Variants in FRYL observed in about 807,000 individuals in gnomAD.
FRYL encodes FRY like transcription coactivator.
FRYL carries 150 observed loss-of-function variants against 351.2 expected under a neutral mutation model. That is an observed-to-expected ratio of 0.43 (90% CI 0.37 to 0.49). The LOEUF is 0.49. FRYL is among the 20% of genes least tolerant of loss of function. The pLI is 0.00. For missense variants in FRYL, 3,036 were observed against 3,619.3 expected, an observed-to-expected ratio of 0.84 and a Z score of 4.13; for synonymous variants, 1,153 against 1,257.1, an observed-to-expected ratio of 0.92 and a Z score of 1.75.
At chr4:48,760,944 C>T (rs1381962046) in intron 1 of FRYL, among the ~76,000 whole-genome samples, 1 of 151,528 alleles carries the variant, frequency 6.6e-6, no homozygotes, top group Non-Finnish European at 1.5e-5. Context: ...TCCCAAAGTG[C>T]TGCGATTACA....
chr4:48,544,912 C>T lies in FRYL; in HGVS notation c.5280-8G>A. On this transcript the variant is annotated splice_region_variant and splice_polypyrimidine_tract_variant and intron_variant, in intron 42 of 63. Transcript: ENST00000358350. Reference sequence around the variant, plus strand: ...CAAAGGGGCCCTCTTTTTCTGAAAACAGAGAACAGATGTAATTTCCTTGGA... The same window carrying T: ...CAAAGGGGCCCTCTTTTTCTGAAAATAGAGAACAGATGTAATTTCCTTGGA... 1 of 1,591,706 alleles carries T rather than the reference C, an allele frequency of 6.3e-7. No individual in the cohort carries two copies.
intron 61 of FRYL, 150 bp downstream of exon 61, chr4:48,502,678 A>G (rs1719973507): frequency 2.2e-6 from 1 of 463,892 alleles, no homozygotes; most frequent in African/African-American, 2.0e-5. Flanking sequence ...CCAACATTTC[A>G]TGGATTAGGG....
At chr4:48,708,319 T>C (rs1258712321) in intron 2 of FRYL, among the ~76,000 whole-genome samples, 1 of 150,844 alleles carries the variant, frequency 6.6e-6, no homozygotes, top group African/African-American at 2.4e-5. Context: ...AAAATAAAAT[T>C]AGCCAGGCAT....
At chr4:48,738,541 C>T (rs546938688) in intron 1 of FRYL, among the ~76,000 whole-genome samples, 58 of 152,160 alleles carry the variant, frequency 3.8e-4, no homozygotes, top group Middle Eastern at 3.4e-3. Flanking sequence ...CTCTGTCACC[C>T]AGGCTAGAGT....
intron 59 of FRYL, 75 bp downstream of exon 59, chr4:48,509,984 G>T: frequency 2.1e-6 from 2 of 941,812 alleles, no homozygotes; most frequent in Non-Finnish European, 3.4e-6. Flanking sequence ...TTCTGTCTGG[G>T]CTATTCTGCT....
chr4:48,702,542 G>A (rs1486910722), intron 2 of FRYL, among the ~76,000 whole-genome samples: 5 of 145,534 alleles, frequency 3.4e-5, no homozygotes, highest in South Asian at 2.2e-4. Flanking sequence ...TTGGGAGGCC[G>A]AGGCAGGCGG....
intron 46 of FRYL, 61 bp downstream of exon 46, chr4:48,540,292 T>A (rs1199562597): frequency 1.3e-6 from 2 of 1,515,224 alleles, no homozygotes; most frequent in East Asian, 4.6e-5. Context: ...TCAAAACAAA[T>A]GATTAGTTTA....
chr4:48,523,021 C>T lies in FRYL; in HGVS notation c.7401G>A (p.Gln2467=). ...SIDKGDTPSL[Q]EYQCSSSTPS... ...GGGTGCTACTAGAGCACTGGTACTC[C>T]TGGAGGGATGGAGTGTCCCCTTTGT... The change falls in exon 54 of 64, where the codon CAG becomes CAA. Residue 2467 remains glutamine (Q), a synonymous_variant. Transcript: ENST00000358350. 2.5e-6 allele frequency: 4 copies of T among 1,613,888 alleles called. No individual in the cohort carries two copies. Among genetic ancestry groups the T allele is most frequent in the Non-Finnish European group, 3.4e-6 (4 of 1,179,818 alleles).
intron 15 of FRYL, among the ~76,000 whole-genome samples, chr4:48,595,379 T>G (rs1352587460): frequency 6.6e-6 from 1 of 151,806 alleles, no homozygotes; most frequent in African/African-American, 2.4e-5. Context: ...GCACTAACAT[T>G]AGGATTATGA....
intron 3 of FRYL, among the ~76,000 whole-genome samples, chr4:48,668,917 A>G (rs1762205321): frequency 6.6e-6 from 1 of 152,198 alleles, no homozygotes. Flanking sequence ...AATTCCCTTT[A>G]TAGCATTTGA....
At chr4:48,513,344 A>G (rs765274461) in intron 56 of FRYL, among the ~76,000 whole-genome samples, 4 of 152,202 alleles carry the variant, frequency 2.6e-5, no homozygotes, top group African/African-American at 4.8e-5. Context: ...TGTTCCTAGC[A>G]ATATGGCCGA....
chr4:48,740,766 C>A (rs1771965173), intron 1 of FRYL, among the ~76,000 whole-genome samples: 1 of 152,150 alleles, frequency 6.6e-6, no homozygotes, highest in Non-Finnish European at 1.5e-5. Flanking sequence ...CAATGACAAA[C>A]CAAATGCTGG....
chr4:48,626,746 AATAT>A (rs1216680505), intron 4 of FRYL, among the ~76,000 whole-genome samples: 1 of 152,152 alleles, frequency 6.6e-6, no homozygotes, highest in Non-Finnish European at 1.5e-5. Context: ...ATAAACAAGA[AATAT>A]ATAGAGATTT....
intron 4 of FRYL, among the ~76,000 whole-genome samples, chr4:48,629,164 C>A (rs186623964): frequency 6.6e-6 from 1 of 151,924 alleles, no homozygotes; most frequent in Admixed American, 6.6e-5. Flanking sequence ...ATGTAGGATA[C>A]CAACAGCAAT....
chr4:48,543,905 T>A lies in FRYL; in HGVS notation c.5494A>T (p.Ile1832Phe). ...AGAGGCTGCTTTAGGGCCCTGAAAATCTGAAAGGATCTCCCAGCATAGTGT... is the reference window on the plus strand; with the variant it reads ...AGAGGCTGCTTTAGGGCCCTGAAAAACTGAAAGGATCTCCCAGCATAGTGT... ...SRHYAGRSFQ[I>F]FRALKQPLTA... is the part of the protein sequence containing the mutation. Residue 1832 changes from isoleucine to phenylalanine, a missense_variant, in exon 44 of 64, where the codon ATT becomes TTT. Physicochemically the swap from Ile to Phe is conservative, Grantham distance 21. Transcript: ENST00000358350. 6.2e-7 allele frequency: 1 copy of A among 1,613,840 alleles called. No individual in the cohort carries two copies. Among genetic ancestry groups the A allele is most frequent in the Non-Finnish European group, 8.5e-7 (1 of 1,179,854 alleles).
At chr4:48,738,665 CTTTTTTT>C (rs748249556) in intron 1 of FRYL, among the ~76,000 whole-genome samples, 1 of 132,838 alleles carries the variant, frequency 7.5e-6, no homozygotes, top group Non-Finnish European at 1.6e-5. Context: ...ACATGGCTAA[CTTTTTTT>C]TTTTTTTTTT....
intron 4 of FRYL, among the ~76,000 whole-genome samples, chr4:48,632,096 A>ATATATATATATATATATG (rs1553957552): frequency 0.021 from 332 of 15,978 alleles, 3 homozygotes; most frequent in Non-Finnish European, 0.042. Flanking sequence ...AAAAAAATAT[A>ATATATATATATATATATG]TATATATATA....
At chr4:48,713,641 A>G (rs1768384091) in intron 1 of FRYL, among the ~76,000 whole-genome samples, 1 of 152,132 alleles carries the variant, frequency 6.6e-6, no homozygotes, top group Non-Finnish European at 1.5e-5. Context: ...GTGACCTACA[A>G]AGAGACTTAG....
chr4:48,546,630 GA>G lies in FRYL; in HGVS notation c.5075-360del. The G allele has an allele frequency of 9.8e-6, 2 of 204,284 alleles. 1 individual carries two copies. The highest frequency in any genetic ancestry group is 2.0e-4 in the South Asian group (2 of 10,060). 12.7% of individuals were successfully genotyped at this position (204,284 alleles called of 1,614,324 possible). A position where few individuals can be genotyped will look rare whatever the true frequency, so the allele number is the denominator to read the frequency against. On this transcript the variant is annotated intron_variant, in intron 41 of 63. Transcript: ENST00000358350. The stretch of plus-strand genomic sequence containing the variant: ...ATGAACTGATTTTTAACTTTTTATA[GA>G]AAATTTTCTATAATTTTTGATCCAT...
Sources: allele counts gnomAD v4.1 joint callset (sites outside exome capture counted in the v4.1 genomes callset), GRCh38; gene constraint gnomAD v4.1.1; transcripts MANE v1.5; gene names NCBI Gene and HGNC (gene_info 2026-07-23, HGNC 2026-07-21).